BCAS3: variants seen among roughly 807,000 people sequenced by gnomAD.
The protein encoded by BCAS3 is BCAS4/BCAS3 fusion.
Under a neutral mutation model 116.1 loss-of-function variants are expected in BCAS3, and 53 were observed. The observed-to-expected ratio is 0.46, with a 90% CI of 0.37 to 0.57. The LOEUF (loss-of-function observed/expected upper bound fraction) is 0.57. Among genes scored for constraint, BCAS3 ranks in the 20% least tolerant of loss-of-function variants. The pLI, the probability that BCAS3 is intolerant of heterozygous loss-of-function variation, is 0.00. For missense variants in BCAS3, 917 were observed against 1,165.4 expected (o/e 0.79, Z 3.10); for synonymous variants, 391 against 408.2 (o/e 0.96, Z 0.51).
chr17:60,940,378 T>G (rs2060163602), intron 13 of BCAS3, among the ~76,000 whole-genome samples: 2 of 152,224 alleles, frequency 1.3e-5, no homozygotes, highest in Non-Finnish European at 2.9e-5. Context: ...GTTTGATTAT[T>G]AGTGTTTGTA....
chr17:61,328,995 A>T (rs1317185382), intron 22 of BCAS3, among the ~76,000 whole-genome samples: 2 of 149,954 alleles, frequency 1.3e-5, no homozygotes, highest in Non-Finnish European at 3.0e-5. Context: ...CCTGGGTTCA[A>T]GCAATTCTCC....
chr17:60,938,451 C>T (rs985814808), intron 13 of BCAS3, among the ~76,000 whole-genome samples: 6 of 152,146 alleles, frequency 3.9e-5, no homozygotes, highest in African/African-American at 9.6e-5. Context: ...AGAACAACTG[C>T]GGTATCTTTT....
In BCAS3 at chr17:61,361,596, C is replaced by T. The variant is rs921453405; in HGVS notation, c.2426-6731C>T. On this transcript the variant is annotated intron_variant, in intron 22 of 23. Transcript: ENST00000407086. This position sits in a 1 kb window ranked among gnomAD's most constrained non-coding sequence, Gnocchi z 6.5. The stretch of plus-strand genomic sequence containing the variant: ...GGTATATATAATATATCTGTGGACA[C>T]ATCTGATGGCTAATTATATGAGCCA... The T allele has an allele frequency of 2.0e-4, 31 of 151,698 alleles. No individual in the cohort carries two copies. The highest frequency in any genetic ancestry group is 7.5e-4 in the African/African-American group (31 of 41,342). 9.4% of individuals were successfully genotyped at this position (151,698 alleles called of 1,614,324 possible). A position where few individuals can be genotyped will look rare whatever the true frequency, so the allele number is the denominator to read the frequency against.
rs11290646 is a variant in BCAS3 at position 61,151,475 on chromosome 17, C to CT, written c.2425+66921dup. Among the ~76,000 whole-genome samples the CT allele has an allele frequency of 9.2e-4, 135 of 146,308 alleles. 1 individual carries two copies. Among genetic ancestry groups the CT allele is most frequent in the East Asian group, 1.6e-3 (8 of 5,010 alleles). On this transcript the variant is annotated intron_variant, in intron 22 of 23. Transcript: ENST00000407086. This position sits in a 1 kb window ranked among gnomAD's most constrained non-coding sequence, Gnocchi z 4.8. ...AAACATCTCTTTCATTCAACGTTTT[C>CT]TTTTTTTTTTGAGATAGGGTTTCAC...
chr17:61,270,949 G>T (rs1277083032), intron 22 of BCAS3, among the ~76,000 whole-genome samples: 1 of 150,924 alleles, frequency 6.6e-6, no homozygotes, highest in African/African-American at 2.4e-5. Flanking sequence ...AGTAGAGACC[G>T]GGTTTCTCCA....
At chr17:61,350,796 C>G (rs972038002) in intron 22 of BCAS3, among the ~76,000 whole-genome samples, 2 of 152,080 alleles carry the variant, frequency 1.3e-5, no homozygotes, top group African/African-American at 2.4e-5. Flanking sequence ...CCACACCTGG[C>G]TACTTTTTTC....
Position 61,318,663 on chromosome 17 carries a change from C to A in BCAS3, c.2426-49664C>A, listed in dbSNP as rs1215651831. On this transcript the variant is annotated intron_variant, in intron 22 of 23. Transcript: ENST00000407086. Reference sequence around the variant, plus strand: ...TGTGTTGGGGTTTCTGAAGAGCACTCCTGCTCGGAGGACATGTGCTATTTC... The same window carrying A: ...TGTGTTGGGGTTTCTGAAGAGCACTACTGCTCGGAGGACATGTGCTATTTC... Among the ~76,000 whole-genome samples, 3 of 152,322 alleles carry A rather than the reference C, an allele frequency of 2.0e-5. No individual in the cohort carries two copies. The South Asian group carries it at 6.2e-4, about 32-fold the overall frequency.
In BCAS3 at chr17:61,130,526, T is replaced by C. The variant is rs2076275048; in HGVS notation, c.2425+45962T>C. On this transcript the variant is annotated intron_variant, in intron 22 of 23. Transcript: ENST00000407086. The surrounding 1 kb of genome is among the most constrained non-coding windows in gnomAD (Gnocchi z 5.0). ...ACCTCCCCCAGTTTATGTTACGTAA[T>C]ATGGTGAGAATCTTCTTCCTCAAAT... is the stretch of plus-strand genomic sequence containing the variant. Among the ~76,000 whole-genome samples the C allele has an allele frequency of 6.6e-6, 1 of 152,162 alleles. No individual in the cohort carries two copies. The highest frequency in any genetic ancestry group is 1.5e-5 in the Non-Finnish European group (1 of 68,036).
At chr17:60,736,995 A>C (rs1326895226) in intron 5 of BCAS3, among the ~76,000 whole-genome samples, 1 of 150,100 alleles carries the variant, frequency 6.7e-6, no homozygotes, top group Non-Finnish European at 1.5e-5. Flanking sequence ...GCTGGAGTGC[A>C]ATGGCGCGAT....
At chr17:60,810,852 C>T in intron 7 of BCAS3, 1 of 703,082 alleles carries the variant, frequency 1.4e-6, no homozygotes, top group Non-Finnish European at 2.6e-6. Context: ...CCCAGACTGC[C>T]AGCTCTGGGT....
At chr17:60,810,298 C>T (rs1040227182) in intron 7 of BCAS3, 89 of 448,702 alleles carry the variant, frequency 2.0e-4, no homozygotes, top group Non-Finnish European at 3.0e-4. Context: ...CTCTGGTTCC[C>T]GGATCTCCGT....
intron 22 of BCAS3, among the ~76,000 whole-genome samples, chr17:61,114,966 T>A: frequency 6.6e-6 from 1 of 151,704 alleles, no homozygotes; most frequent in Non-Finnish European, 1.5e-5. Flanking sequence ...CTTTGACAAA[T>A]CTGAGAAAAA....
In BCAS3 at chr17:61,352,857, C is replaced by A. The variant is rs2057928534; in HGVS notation, c.2426-15470C>A. ...GCAGCTGTGCAGAGAAGGCCTGGTG[C>A]CGCCACACTCCTGCTCGGCTCCTAG... is the stretch of plus-strand genomic sequence containing the variant. On this transcript the variant is annotated intron_variant, in intron 22 of 23. Transcript: ENST00000407086. The surrounding 1 kb of genome is among the most constrained non-coding windows in gnomAD (Gnocchi z 4.7). Among the ~76,000 whole-genome samples, 1 of 152,200 alleles carries A rather than the reference C, an allele frequency of 6.6e-6. No individual in the cohort carries two copies. The highest frequency in any genetic ancestry group is 6.5e-5 in the Admixed American group (1 of 15,284).
intron 22 of BCAS3, among the ~76,000 whole-genome samples, chr17:61,092,275 T>G (rs1226061189): frequency 6.6e-6 from 1 of 152,218 alleles, no homozygotes; most frequent in African/African-American, 2.4e-5. Context: ...TTCCAGCTTT[T>G]GGCTATTAGG....
chr17:60,836,654 T>C (rs916849077), intron 7 of BCAS3, among the ~76,000 whole-genome samples: 1 of 152,292 alleles, frequency 6.6e-6, no homozygotes, highest in African/African-American at 2.4e-5. Context: ...CTTGGAAATG[T>C]TGGAATTTTT....
intron 11 of BCAS3, among the ~76,000 whole-genome samples, chr17:60,904,365 C>G (rs1418155826): frequency 6.6e-6 from 1 of 152,056 alleles, no homozygotes; most frequent in Non-Finnish European, 1.5e-5. Flanking sequence ...GATCACGCCA[C>G]TGTACTCCAG....
At chr17:60,825,907 G>C (rs952962448) in intron 7 of BCAS3, among the ~76,000 whole-genome samples, 1 of 149,452 alleles carries the variant, frequency 6.7e-6, no homozygotes, top group African/African-American at 2.5e-5. Flanking sequence ...ACCCAGGCTG[G>C]AGTGCAGTGG....
At chr17:60,807,694 ATTGT>A (rs372900602) in intron 6 of BCAS3, among the ~76,000 whole-genome samples, 12 of 151,706 alleles carry the variant, frequency 7.9e-5, no homozygotes, top group African/African-American at 2.7e-4. Flanking sequence ...AGGCAGGAGA[ATTGT>A]TTGAACCCGG....
intron 9 of BCAS3, among the ~76,000 whole-genome samples, chr17:60,884,507 G>T (rs1246136663): frequency 1.4e-5 from 2 of 145,204 alleles, no homozygotes; most frequent in Non-Finnish European, 3.0e-5. Flanking sequence ...GTTTGCTCTT[G>T]CTTTTCTAGT....
Sources: allele counts gnomAD v4.1 joint callset (sites outside exome capture counted in the v4.1 genomes callset), GRCh38; gene constraint gnomAD v4.1.1; non-coding constraint Gnocchi (gnomAD v3.1); transcripts MANE v1.5; gene names NCBI Gene and HGNC (gene_info 2026-07-23, HGNC 2026-07-21).